Variants in BMP1 observed in about 807,000 individuals in gnomAD.
The protein encoded by BMP1 is bone morphogenetic protein 1, also known as mammalian tolloid protein.
BMP1 carries 63 observed loss-of-function variants against 116.8 expected under a neutral mutation model. That is an observed-to-expected ratio of 0.54 (90% CI 0.44 to 0.67). The LOEUF is 0.67. Ranked by LOEUF, BMP1 falls within the 30% of genes least tolerant of loss-of-function variation. The pLI, the probability that BMP1 is intolerant of heterozygous loss-of-function variation, is 0.00. For missense variants in BMP1, 1,183 were observed against 1,358.9 expected, an observed-to-expected ratio of 0.87 and a Z score of 2.04; for synonymous variants, 536 against 533.4, an observed-to-expected ratio of 1.00 and a Z score of -0.07.
chr8:22,187,079 A>G (rs1828793033), intron 8 of BMP1, among the ~76,000 whole-genome samples: 1 of 151,686 alleles, frequency 6.6e-6, no homozygotes, highest in African/African-American at 2.4e-5. Context: ...CAACCTCTGC[A>G]TCTCGGGTTC....
chr8:22,170,805 C>G (rs1011065692), intron 1 of BMP1: 1 of 151,558 alleles, frequency 6.6e-6, no homozygotes. Flanking sequence ...AAAAAAAATA[C>G]AAAAATTAGC....
chr8:22,195,607 C>T lies in BMP1; in HGVS notation c.1765+20C>T, dbSNP rs1203650885. 2 of 1,603,700 alleles carry T rather than the reference C, an allele frequency of 1.2e-6. No homozygotes were observed. Among genetic ancestry groups the T allele is most frequent in the Non-Finnish European group, 8.5e-7 (1 of 1,177,296 alleles). Reference sequence around the variant, plus strand: ...GTGAGGGTGAGTGCCCCCAGACTGCCTCTGACCCTGTTCTTTCCCTGGCAC... The same window carrying T: ...GTGAGGGTGAGTGCCCCCAGACTGCTTCTGACCCTGTTCTTTCCCTGGCAC... On this transcript the variant is annotated intron_variant, in intron 13 of 19. Coordinates refer to ENST00000306385, the MANE Select transcript of BMP1 (RefSeq NM_006129.5).
intron 2 of BMP1, among the ~76,000 whole-genome samples, chr8:22,175,078 G>T (rs952039698): frequency 6.6e-6 from 1 of 152,170 alleles, no homozygotes; most frequent in Non-Finnish European, 1.5e-5. Flanking sequence ...GTGACCTGGT[G>T]GCCTGCTAAC....
intron 4 of BMP1, 31 bp from the exon 5 acceptor site, chr8:22,176,930 A>G: frequency 6.7e-7 from 1 of 1,482,278 alleles, no homozygotes; most frequent in Non-Finnish European, 9.1e-7. Flanking sequence ...CCAGCTCGGG[A>G]CCGCCCCCCT....
chr8:22,200,981 G>C, intron 15 of BMP1: 3 of 412,120 alleles, frequency 7.3e-6, no homozygotes, highest in Non-Finnish European at 1.4e-5. Context: ...ATGTGTGTCC[G>C]CCTGCCCTCC....
rs749322856 is a variant in BMP1, at chr8:22,173,685, A to G, written c.232A>G (p.Thr78Ala). 102 of 1,613,448 alleles carry G rather than the reference A, an allele frequency of 6.3e-5. No homozygotes were observed. The highest frequency in any genetic ancestry group is 5.0e-5 in the Non-Finnish European group (59 of 1,179,630). The part of the protein sequence containing the change: ...VQQAVDLRRH[T>A]ARKSSIKAAV... ...GCAGGCTGTGGATCTCAGACGGCAC[A>G]CAGCTCGTAAGTCCTCCATCAAAGC... The change falls in exon 2 of 20, where the codon ACA becomes GCA. Residue 78 changes from threonine to alanine, a missense_variant. Thr to Ala is a moderately conservative substitution (Grantham distance 58). Coordinates refer to ENST00000306385, the MANE Select transcript of BMP1 (RefSeq NM_006129.5).
At chr8:22,168,031 T>C (rs1828166354) in intron 1 of BMP1, among the ~76,000 whole-genome samples, 1 of 152,176 alleles carries the variant, frequency 6.6e-6, no homozygotes, top group Non-Finnish European at 1.5e-5. Flanking sequence ...GAAAGCTCCT[T>C]TGACTCCCAC....
intron 15 of BMP1, chr8:22,198,899 T>C: frequency 8.7e-7 from 1 of 1,151,098 alleles, no homozygotes; most frequent in South Asian, 1.8e-5. Flanking sequence ...TGTGCCCACC[T>C]GGGACTCCTA....
At chr8:22,196,355 C>T in intron 13 of BMP1, 1 of 592,550 alleles carries the variant, frequency 1.7e-6, no homozygotes, top group South Asian at 1.5e-5. Flanking sequence ...CCCAGGACCG[C>T]CCCTCCCTGA....
At position 22,179,631 on chromosome 8, in the gene BMP1, C is replaced by G; in HGVS notation, c.837-74C>G. 1.2e-6 allele frequency: 2 copies of G among 1,604,462 alleles called. No homozygotes were observed. Among genetic ancestry groups the G allele is most frequent in the South Asian group, 2.2e-5 (2 of 90,250 alleles). The stretch of plus-strand genomic sequence containing the variant: ...CCAGCAGGGTCGTGACTTGTGGGTA[C>G]AGATGGGCATGCCACCCACTCCCTG... On this transcript the variant is annotated intron_variant, in intron 6 of 19. Transcript: ENST00000306385. This position sits in a 1 kb window ranked among gnomAD's most constrained non-coding sequence, Gnocchi z 4.6.
intron 3 of BMP1, 57 bp downstream of exon 3, chr8:22,176,370 G>A: frequency 1.3e-6 from 2 of 1,564,872 alleles, no homozygotes; most frequent in Non-Finnish European, 1.7e-6. Flanking sequence ...TGGCCTTGTG[G>A]CAGCCCTGCC....
At chr8:22,201,085 T>C (rs1465713168) in intron 15 of BMP1, 2 of 1,305,194 alleles carry the variant, frequency 1.5e-6, no homozygotes, top group Non-Finnish European at 1.0e-6. Flanking sequence ...CCCCACCCCT[T>C]GGTCCCTTTT....
intron 2 of BMP1, among the ~76,000 whole-genome samples, chr8:22,175,809 A>G (rs1828413226): frequency 6.6e-6 from 1 of 152,164 alleles, no homozygotes; most frequent in African/African-American, 2.4e-5. Context: ...ACCCTCAACA[A>G]AGCGCACAAA....
At chr8:22,195,654 T>C in intron 13 of BMP1, 67 bp downstream of exon 13, 1 of 1,564,664 alleles carries the variant, frequency 6.4e-7, no homozygotes, top group Non-Finnish European at 8.6e-7. Flanking sequence ...CCCAGAATTT[T>C]TTTTTTTTTT....
At chr8:22,177,627 C>G (rs547964938) in intron 5 of BMP1, 1 of 760,216 alleles carries the variant, frequency 1.3e-6, no homozygotes, top group Admixed American at 1.7e-5. Context: ...GCTTCCTTCC[C>G]ATGTTCCCTT....
At position 22,212,106 on chromosome 8, in the gene BMP1, A is replaced by G. The variant is rs1829473672; in HGVS notation, c.*378A>G. On this transcript the variant is annotated 3_prime_UTR_variant, in exon 20 of 20. Coordinates refer to ENST00000306385, the MANE Select transcript of BMP1 (RefSeq NM_006129.5). ...GGGCATTATTTTCATTGTAATGTTC[A>G]TTTCCCACCCCTGCTCCAGCCTCGA... The G allele has an allele frequency of 4.8e-6, 1 of 209,992 alleles. No homozygotes were observed. The allele number at this position is 209,992 out of a possible 1,614,324, so 13.0% of individuals were successfully genotyped here.
At chr8:22,177,983 C>T (rs777697763) in intron 6 of BMP1, 26 bp downstream of exon 6, 2 of 1,558,020 alleles carry the variant, frequency 1.3e-6, no homozygotes, top group East Asian at 2.3e-5. Flanking sequence ...GGGGCTGGGC[C>T]TCTGCTCGGG....
At chr8:22,186,664 G>A (rs796126141) in intron 8 of BMP1, among the ~76,000 whole-genome samples, 91 of 151,682 alleles carry the variant, frequency 6.0e-4, no homozygotes, top group African/African-American at 2.1e-3. Context: ...ACAGGGTTTC[G>A]CCATGTTGGC....
chr8:22,192,858 G>T (rs1828974443), intron 9 of BMP1, among the ~76,000 whole-genome samples: 1 of 152,198 alleles, frequency 6.6e-6, no homozygotes, highest in Non-Finnish European at 1.5e-5. Context: ...TGATCGTAAG[G>T]AGCTCAGGAC....
Sources: gnomAD v4.1 joint callset for allele counts (sites outside exome capture counted in the v4.1 genomes callset) on GRCh38, gnomAD v4.1.1 for gene constraint, Gnocchi (gnomAD v3.1) non-coding constraint, MANE v1.5 for transcripts, NCBI Gene and HGNC (gene_info 2026-07-23, HGNC 2026-07-21) for gene names.